CYB5A: variants seen among roughly 807,000 people sequenced by gnomAD.
The protein encoded by CYB5A is cytochrome b5 type A, also known as cytochrome b5.
A neutral mutation model predicts 16.2 loss-of-function variants in CYB5A; 10 were observed. The observed-to-expected ratio is 0.62, with a 90% confidence interval of 0.38 to 1.04. The LOEUF (loss-of-function observed/expected upper bound fraction) is 1.04. Among genes scored for constraint, CYB5A ranks in the 50% least tolerant of loss-of-function variants. The pLI is 0.01. For synonymous variants in CYB5A, 62 were observed against 57.0 expected, an observed-to-expected ratio of 1.09 and a Z score of -0.40; for missense variants, 161 against 165.9, an observed-to-expected ratio of 0.97 and a Z score of 0.16.
At chr18:74,280,822 A>G (rs1361117550) in intron 1 of CYB5A, among the ~76,000 whole-genome samples, 1 of 152,160 alleles carries the variant, frequency 6.6e-6, no homozygotes, top group Non-Finnish European at 1.5e-5. Flanking sequence ...CTACATGGAC[A>G]TACGTATGTG....
chr18:74,275,186 C>G (rs900846283), intron 1 of CYB5A, among the ~76,000 whole-genome samples: 1 of 152,186 alleles, frequency 6.6e-6, no homozygotes, highest in Non-Finnish European at 1.5e-5. Context: ...TGGAATTGTT[C>G]ATTGCTCCAA....
intron 1 of CYB5A, among the ~76,000 whole-genome samples, chr18:74,285,563 G>A (rs1983285694): frequency 6.6e-6 from 1 of 152,122 alleles, no homozygotes; most frequent in Admixed American, 6.5e-5. Context: ...CCACCCCAGG[G>A]TGCTCTGGTA....
At chr18:74,255,920 T>A in intron 3 of CYB5A, 145 bp from the exon 4 acceptor site, 7 of 659,220 alleles carry the variant, frequency 1.1e-5, no homozygotes, top group Non-Finnish European at 1.9e-5. Flanking sequence ...TATAAACTTC[T>A]TTTCACTAAA....
chr18:74,268,734 C>G (rs1215354489), intron 1 of CYB5A, among the ~76,000 whole-genome samples: 1 of 152,076 alleles, frequency 6.6e-6, no homozygotes, highest in African/African-American at 2.4e-5. Flanking sequence ...GGAAGTGCCA[C>G]TGGAGCCAAT....
intron 2 of CYB5A, chr18:74,261,188 C>T: frequency 2.1e-6 from 1 of 471,720 alleles, no homozygotes; most frequent in Non-Finnish European, 3.9e-6. Context: ...CATGACAGCT[C>T]TCTGTACATG....
intron 1 of CYB5A, among the ~76,000 whole-genome samples, chr18:74,288,698 T>C (rs1983410899): frequency 6.6e-6 from 1 of 152,128 alleles, no homozygotes; most frequent in Non-Finnish European, 1.5e-5. Context: ...ATTGGAGATA[T>C]AACCCCAGGA....
At chr18:74,256,985 GT>G (rs1982011200) in intron 3 of CYB5A, 2 of 704,768 alleles carry the variant, frequency 2.8e-6, no homozygotes, top group Non-Finnish European at 4.8e-6. Flanking sequence ...TTTCCAAATT[GT>G]GTATATATGA....
At chr18:74,265,764 G>T (rs1229356775) in intron 1 of CYB5A, among the ~76,000 whole-genome samples, 2 of 152,214 alleles carry the variant, frequency 1.3e-5, no homozygotes, top group Admixed American at 1.3e-4. Context: ...ACATCTCATG[G>T]CGAGAGAGGA....
Position 74,263,497 on chromosome 18 carries a change from A to C in CYB5A, c.130-20T>G. On this transcript the variant is annotated intron_variant, in intron 1 of 4. Coordinates refer to ENST00000340533, the MANE Select transcript of CYB5A (RefSeq NM_148923.4). ...AGGATGCTGTTCAAAGGAGAGGTAG[A>C]ATAAAAATTTTTTTTTCAGGCAAAT... is the stretch of plus-strand genomic sequence containing the variant. 2.5e-6 allele frequency: 4 copies of C among 1,613,994 alleles called. No homozygotes were observed. Among genetic ancestry groups the C allele is most frequent in the Non-Finnish European group, 3.4e-6 (4 of 1,179,862 alleles).
chr18:74,273,497 CTTAA>C (rs1439815960), intron 1 of CYB5A, among the ~76,000 whole-genome samples: 1 of 152,168 alleles, frequency 6.6e-6, no homozygotes. Context: ...TCATTTCATC[CTTAA>C]TTAATAGCAC....
chr18:74,271,926 C>T (rs1284742532), intron 1 of CYB5A, among the ~76,000 whole-genome samples: 4 of 152,126 alleles, frequency 2.6e-5, no homozygotes, highest in Non-Finnish European at 2.9e-5. Context: ...TCAAGCCTGA[C>T]CTGTTTCACC....
At chr18:74,283,324 A>G (rs994901522) in intron 1 of CYB5A, among the ~76,000 whole-genome samples, 6 of 152,158 alleles carry the variant, frequency 3.9e-5, no homozygotes, top group African/African-American at 1.4e-4. Context: ...CTCCTCACAC[A>G]TACCCACTAC....
At chr18:74,276,676 G>A (rs949461488) in intron 1 of CYB5A, among the ~76,000 whole-genome samples, 2 of 152,070 alleles carry the variant, frequency 1.3e-5, no homozygotes, top group African/African-American at 4.8e-5. Context: ...TCATGCCTTC[G>A]GAGGGTTTGC....
chr18:74,261,558 T>C (rs1228968412), intron 2 of CYB5A: 1 of 154,092 alleles, frequency 6.5e-6, no homozygotes, highest in African/African-American at 2.4e-5. Context: ...TAAGACACTT[T>C]GCCTTTGTGA....
chr18:74,273,509 C>T (rs1950490747), intron 1 of CYB5A, among the ~76,000 whole-genome samples: 1 of 152,198 alleles, frequency 6.6e-6, no homozygotes, highest in South Asian at 2.1e-4. Context: ...TAATTAATAG[C>T]ACCAAGCCAG....
At chr18:74,260,877 C>T (rs368901074) in intron 3 of CYB5A, 38 bp downstream of exon 3, 55 of 1,586,166 alleles carry the variant, frequency 3.5e-5, no homozygotes, top group Non-Finnish European at 4.2e-5. Flanking sequence ...TTAAATACAA[C>T]GAGAACATCC....
At chr18:74,265,854 C>T (rs534636624) in intron 1 of CYB5A, among the ~76,000 whole-genome samples, 28 of 152,338 alleles carry the variant, frequency 1.8e-4, no homozygotes, top group Admixed American at 5.2e-4. Context: ...GAGGACGACA[C>T]AAAGCCATTC....
intron 1 of CYB5A, among the ~76,000 whole-genome samples, chr18:74,274,199 C>T (rs1220345775): frequency 6.6e-6 from 1 of 152,122 alleles, no homozygotes; most frequent in Non-Finnish European, 1.5e-5. Context: ...TAAGTACAAT[C>T]AATAAAGACA....
rs1159724276 is a variant in CYB5A, at chr18:74,251,119, A to T, written c.*2465T>A. 6.6e-6 allele frequency: 1 copy of T among 151,846 alleles called. No individual in the cohort carries two copies. Among genetic ancestry groups the T allele is most frequent in the Non-Finnish European group, 1.5e-5 (1 of 68,096 alleles). The allele number at this position is 151,846 out of a possible 1,614,324, so 9.4% of individuals were successfully genotyped here. A position where few individuals can be genotyped will look rare whatever the true frequency, so the allele number is the denominator to read the frequency against. Reference sequence around the variant, plus strand: ...TGGGAGTCGGAGGTTGCAGTGAGCCAAGATCATACCACTGCACTCCAGCCT... The same window carrying T: ...TGGGAGTCGGAGGTTGCAGTGAGCCTAGATCATACCACTGCACTCCAGCCT... On this transcript the variant is annotated 3_prime_UTR_variant, in exon 5 of 5. Transcript: ENST00000340533.
Sources: allele counts gnomAD v4.1 joint callset (sites outside exome capture counted in the v4.1 genomes callset), GRCh38; gene constraint gnomAD v4.1.1; transcripts MANE v1.5; gene names NCBI Gene and HGNC (gene_info 2026-07-23, HGNC 2026-07-21).